BABAM2: variants seen among roughly 807,000 people sequenced by gnomAD.
The protein encoded by BABAM2 is BRISC and BRCA1 A complex member 2.
In BABAM2, 31 loss-of-function variants were observed where a neutral mutation model predicts 54.7. The observed-to-expected ratio is 0.57, with a 90% CI of 0.43 to 0.77. BABAM2 has a LOEUF of 0.77. BABAM2 is among the 30% of genes least tolerant of loss of function. The pLI is 0.00. For missense variants in BABAM2, 364 were observed against 455.8 expected, an observed-to-expected ratio of 0.80 and a Z score of 1.83; for synonymous variants, 167 against 162.9, an observed-to-expected ratio of 1.03 and a Z score of -0.19.
intron 7 of BABAM2, among the ~76,000 whole-genome samples, chr2:28,145,330 C>T (rs1671401475): frequency 6.6e-6 from 1 of 152,208 alleles, no homozygotes; most frequent in African/African-American, 2.4e-5. Context: ...AGCTATTTGG[C>T]TCCAGCCTCC....
chr2:27,889,602 A>C (rs1406996395), upstream of BABAM2, among the ~76,000 whole-genome samples: 1 of 152,206 alleles, frequency 6.6e-6, no homozygotes, highest in African/African-American at 2.4e-5. Flanking sequence ...TTCATTTGGC[A>C]TATTTTCTAT....
chr2:27,953,865 A>G (rs1394451632), intron 3 of BABAM2, among the ~76,000 whole-genome samples: 1 of 152,190 alleles, frequency 6.6e-6, no homozygotes, highest in African/African-American at 2.4e-5. Flanking sequence ...GATGAAGACC[A>G]GATACATCTA....
intron 10 of BABAM2, among the ~76,000 whole-genome samples, chr2:28,262,144 A>ATC (rs1457358661): frequency 6.6e-6 from 1 of 152,180 alleles, no homozygotes; most frequent in African/African-American, 2.4e-5. Flanking sequence ...AAGAAATCTT[A>ATC]GAGTGGAGGT....
At chr2:28,139,553 G>C (rs1036852643) in intron 7 of BABAM2, among the ~76,000 whole-genome samples, 1 of 152,000 alleles carries the variant, frequency 6.6e-6, no homozygotes, top group Non-Finnish European at 1.5e-5. Flanking sequence ...TGGTGACAGA[G>C]TGAGACTCCA....
At chr2:28,286,387 G>A (rs1686817118) in intron 10 of BABAM2, among the ~76,000 whole-genome samples, 1 of 152,070 alleles carries the variant, frequency 6.6e-6, no homozygotes, top group Admixed American at 6.5e-5. Flanking sequence ...AATGTTCAAG[G>A]GTAATGCTCA....
chr2:27,967,042 CAAAAATTTCATTTCTCCAGGAG>C (rs1558624536), intron 3 of BABAM2, among the ~76,000 whole-genome samples: 1 of 152,120 alleles, frequency 6.6e-6, no homozygotes, highest in Non-Finnish European at 1.5e-5. Context: ...GAATAGATAT[CAAAAATTTCATTTCTCCAGGAG>C]AAACATATAT....
Position 28,117,437 on chromosome 2 carries a change from G to A in BABAM2, c.571-11834G>A, listed in dbSNP as rs1200210767. 2.0e-5 allele frequency among the ~76,000 whole-genome samples: 3 copies of A among 152,196 alleles called. No homozygotes were observed. In the East Asian group the frequency reaches 5.8e-4, roughly 29 times the overall value. Reference sequence around the variant, plus strand: ...CTTCAAACCAGCTTAGGCATATAGTGCAATTTATTAGCTTTCCAAAGCTAG... The same window carrying A: ...CTTCAAACCAGCTTAGGCATATAGTACAATTTATTAGCTTTCCAAAGCTAG... On this transcript the variant is annotated intron_variant, in intron 6 of 11. Coordinates refer to ENST00000379624, the MANE Select transcript of BABAM2 (RefSeq NM_199191.3).
At chr2:28,315,548 G>A (rs187458477) in intron 11 of BABAM2, among the ~76,000 whole-genome samples, 100 of 151,522 alleles carry the variant, frequency 6.6e-4, no homozygotes, top group African/African-American at 2.3e-3. Flanking sequence ...GCTCACTGCA[G>A]ACTTGAATTC....
intron 11 of BABAM2, chr2:28,327,251 C>G (rs184004396): frequency 1.4e-5 from 22 of 1,586,832 alleles, no homozygotes; most frequent in Non-Finnish European, 1.8e-5. Flanking sequence ...CCTTCTCCTC[C>G]TCCTTCTCAT....
chr2:28,264,305 G>A (rs1684792616), intron 10 of BABAM2, among the ~76,000 whole-genome samples: 1 of 152,062 alleles, frequency 6.6e-6, no homozygotes, highest in African/African-American at 2.4e-5. Flanking sequence ...TCCTTTTCTA[G>A]AGGAACTCAC....
chr2:27,890,183 G>C (rs1664697912), upstream of BABAM2: 1 of 1,438,092 alleles, frequency 7.0e-7, no homozygotes, highest in Admixed American at 1.8e-5. This position sits in a 1 kb window ranked among gnomAD's most constrained non-coding sequence, Gnocchi z 4.8. Flanking sequence ...GCGCCCAAAA[G>C]CTCCACTGGG....
intron 6 of BABAM2, among the ~76,000 whole-genome samples, chr2:28,088,191 T>G (rs1487135330): frequency 6.6e-6 from 1 of 152,240 alleles, no homozygotes; most frequent in Non-Finnish European, 1.5e-5. Flanking sequence ...CTTATTTTTT[T>G]TTAACAATTC....
intron 3 of BABAM2, among the ~76,000 whole-genome samples, chr2:27,963,262 G>C (rs1005601836): frequency 4.6e-5 from 7 of 152,252 alleles, no homozygotes; most frequent in African/African-American, 1.7e-4. Context: ...CTGAAGTCAG[G>C]AGTTCGAGAC....
intron 4 of BABAM2, among the ~76,000 whole-genome samples, chr2:28,024,291 A>G (rs1021469456): frequency 6.6e-6 from 1 of 152,066 alleles, no homozygotes; most frequent in Non-Finnish European, 1.5e-5. Flanking sequence ...CTGTAGTCCC[A>G]GCTACTCGGG....
chr2:27,907,063 C>T (rs896037680), intron 2 of BABAM2, among the ~76,000 whole-genome samples: 2 of 152,058 alleles, frequency 1.3e-5, no homozygotes, highest in African/African-American at 4.8e-5. Context: ...AAATGTAGAA[C>T]AGCCTCTTTT....
chr2:27,933,437 A>G (rs1668243432), intron 3 of BABAM2, among the ~76,000 whole-genome samples: 1 of 152,008 alleles, frequency 6.6e-6, no homozygotes, highest in South Asian at 2.1e-4. Flanking sequence ...AAGTTCATAG[A>G]ATTAGAAAGA....
intron 7 of BABAM2, among the ~76,000 whole-genome samples, chr2:28,215,207 G>A (rs183253286): frequency 1.6e-4 from 25 of 152,242 alleles, no homozygotes; most frequent in African/African-American, 5.3e-4. Context: ...GAGAGCAAGG[G>A]ATTAGGAGTG....
At chr2:28,170,853 G>A (rs1412192395) in intron 7 of BABAM2, among the ~76,000 whole-genome samples, 1 of 152,096 alleles carries the variant, frequency 6.6e-6, no homozygotes, top group Non-Finnish European at 1.5e-5. Context: ...GTTTTTTAAA[G>A]TAGAGAAAAA....
At chr2:28,195,082 C>G (rs754823457) in intron 7 of BABAM2, among the ~76,000 whole-genome samples, 1 of 152,168 alleles carries the variant, frequency 6.6e-6, no homozygotes, top group African/African-American at 2.4e-5. Context: ...TAGAGAGGAA[C>G]CTCTCTGAGC....
Sources: gnomAD v4.1 joint callset for allele counts (sites outside exome capture counted in the v4.1 genomes callset) on GRCh38, gnomAD v4.1.1 for gene constraint, Gnocchi (gnomAD v3.1) non-coding constraint, MANE v1.5 for transcripts, NCBI Gene and HGNC (gene_info 2026-07-23, HGNC 2026-07-21) for gene names.